The following TUBGCP6 variants were observed in gnomAD, a reference collection of about 807,000 sequenced individuals.
TUBGCP6 encodes the protein gamma-tubulin complex component 6.
A neutral mutation model predicts 175.8 loss-of-function variants in TUBGCP6; 161 were observed. That is an observed-to-expected ratio of 0.92 (90% CI 0.81 to 1.04). The LOEUF (loss-of-function observed/expected upper bound fraction) is 1.04, where lower values mean the gene tolerates loss of function less well. TUBGCP6 is among the 50% of genes least tolerant of loss of function. The pLI, the probability that TUBGCP6 is intolerant of heterozygous loss-of-function variation, is 0.00. For missense variants in TUBGCP6, 2,572 were observed against 2,433.0 expected, an observed-to-expected ratio of 1.06 and a Z score of -1.20; for synonymous variants, 1,173 against 1,030.5, an observed-to-expected ratio of 1.14 and a Z score of -2.65.
At chr22:50,234,796 T>C (rs1164634216) in intron 2 of TUBGCP6, among the ~76,000 whole-genome samples, 1 of 134,282 alleles carries the variant, frequency 7.4e-6, no homozygotes, top group African/African-American at 3.0e-5. Context: ...CACATCCAGG[T>C]CCACAGCAGC....
rs1276236974 is a variant in TUBGCP6, at chr22:50,219,884, C to G, written c.4167+73G>C. ...AAAAAGGAAAATCGCATGTGGGACC[C>G]ACCCGCGTGACAACCTAGAGGGACA... On this transcript the variant is annotated intron_variant, in intron 17 of 24. Transcript: ENST00000248846. 2.5e-6 allele frequency: 4 copies of G among 1,604,664 alleles called. No homozygotes were observed. The Admixed American group carries it at 6.7e-5, about 27-fold the overall frequency.
In TUBGCP6 at chr22:50,243,897, G is replaced by C. The variant is rs750138232; in HGVS notation, c.563C>G (p.Thr188Ser). ...TLQVMEAAPG[T>S]GLPTVGLFSF... ...GAAGAGCCCGACGGTGGGCAGGCCA[G>C]TGCCTGGAGCAGCCTCCATAACCTG... is the stretch of plus-strand genomic sequence containing the variant. The change falls in exon 1 of 25, where the codon ACT becomes AGT. Residue 188 changes from threonine (T) to serine (S), a missense_variant. By Grantham distance (58) the Thr-to-Ser change is moderately conservative (BLOSUM62 1). Coordinates refer to ENST00000248846, the MANE Select transcript of TUBGCP6 (RefSeq NM_020461.4). The C allele has an allele frequency of 8.7e-6, 14 of 1,613,870 alleles. No individual in the cohort carries two copies. The East Asian group carries it at 3.1e-4, about 36-fold the overall frequency.
At position 50,228,008 on chromosome 22, in the gene TUBGCP6, C is replaced by A; in HGVS notation, c.1311G>T (p.Arg437Ser). 1 of 1,563,522 alleles carries A rather than the reference C, an allele frequency of 6.4e-7. No individual in the cohort carries two copies. The highest frequency in any genetic ancestry group is 2.0e-5 in the Admixed American group (1 of 51,134). The change falls in exon 5 of 25, where the codon AGG becomes AGT. Residue 437 changes from arginine to serine, a missense_variant. Transcript: ENST00000248846. ...AGGCCCGGTAATACTGCAGGTACCT[C>A]CTCAGGCCACTGGTGAAGGCCTGTG... ...LVFQAFTSGL[R>S]RYLQYYRACV...
rs1314708521 is a variant in TUBGCP6 at position 50,227,948 on chromosome 22, G to A, written c.1371C>T (p.Leu457=). ...VLSTPPTLSL[L]TIGFLFKKLG... is the part of the protein sequence containing the mutation. ...GTTTCTTGAAGAGAAAACCAATGGT[G>A]AGGAGGCTCAGGGTGGGCGGAGTGG... The change falls in exon 5 of 25, where the codon CTC becomes CTT. Residue 457 remains leucine (L), a synonymous_variant. Transcript: ENST00000248846. The A allele has an allele frequency of 2.5e-6, 4 of 1,574,018 alleles. No homozygotes were observed. Among genetic ancestry groups the A allele is most frequent in the African/African-American group, 1.3e-5 (1 of 74,512 alleles).
chr22:50,226,732 C>A lies in TUBGCP6; in HGVS notation c.1601+1G>T. ...CCGCGCCTGCCCAGCCCACTGCCCA[C>A]CGGGTGTAGGGCTCGCAGCTGGTCT... On this transcript the variant is annotated splice_donor_variant, in intron 7 of 24. Transcript: ENST00000248846. LOFTEE classifies it high-confidence loss of function. 6.3e-7 allele frequency: 1 copy of A among 1,577,846 alleles called. No individual in the cohort carries two copies. Among genetic ancestry groups the A allele is most frequent in the Non-Finnish European group, 8.6e-7 (1 of 1,162,024 alleles).
rs2147185386 is a variant in TUBGCP6, at chr22:50,224,511, CA to C, written c.2064del (p.Ser688ArgfsTer22). ...GAAGGGAGGACTTGGGGCCACTCAC[CA>C]CTCAGTGCACTCAGGACCCTGGATG... ...EAASRVLSAL[S>X]DRQMSERMAL... is the part of the protein sequence containing the mutation. On this transcript the variant is annotated frameshift_variant and splice_region_variant, in exon 11 of 25. Transcript: ENST00000248846. LOFTEE classifies it high-confidence loss of function. 7 of 1,614,152 alleles carry C rather than the reference CA, an allele frequency of 4.3e-6. No homozygotes were observed. The highest frequency in any genetic ancestry group is 5.9e-6 in the Non-Finnish European group (7 of 1,180,020).
chr22:50,220,108 A>G (rs1406816024), intron 16 of TUBGCP6, 93 bp from the exon 17 acceptor site: 2 of 1,553,450 alleles, frequency 1.3e-6, no homozygotes, highest in East Asian at 4.8e-5. Context: ...AGCCCCTCCC[A>G]TGTCCCCCAC....
At chr22:50,222,397 G>A in intron 14 of TUBGCP6, 57 bp downstream of exon 14, 1 of 1,605,676 alleles carries the variant, frequency 6.2e-7, no homozygotes, top group Non-Finnish European at 8.5e-7. Context: ...AGTCTCAGGG[G>A]GTTTCCAGAC....
chr22:50,242,976 G>A (rs1229025744), intron 1 of TUBGCP6, among the ~76,000 whole-genome samples: 3 of 152,186 alleles, frequency 2.0e-5, no homozygotes, highest in Non-Finnish European at 4.4e-5. Flanking sequence ...CCCCACCTCA[G>A]GACAATGCAG....
At chr22:50,235,154 C>G (rs566776459) in intron 2 of TUBGCP6, among the ~76,000 whole-genome samples, 1 of 109,616 alleles carries the variant, frequency 9.1e-6, no homozygotes, top group African/African-American at 3.8e-5. Context: ...ATCCACACCC[C>G]AGTCCATGGC....
chr22:50,234,834 C>T (rs1224298216), intron 2 of TUBGCP6, among the ~76,000 whole-genome samples: 1 of 145,686 alleles, frequency 6.9e-6, no homozygotes, highest in Non-Finnish European at 1.5e-5. Flanking sequence ...TCCACGACAG[C>T]ATCACCCACA....
chr22:50,228,602 A>G (rs575561771), intron 4 of TUBGCP6, among the ~76,000 whole-genome samples: 1 of 152,092 alleles, frequency 6.6e-6, no homozygotes, highest in African/African-American at 2.4e-5. Flanking sequence ...ATGAACAAGA[A>G]CCACAGTCCA....
chr22:50,229,327 C>T, intron 4 of TUBGCP6, 77 bp downstream of exon 4: 1 of 1,505,628 alleles, frequency 6.6e-7, no homozygotes, highest in Non-Finnish European at 9.1e-7. Context: ...TGCAGAAGGA[C>T]CTCTGAGATT....
intron 2 of TUBGCP6, among the ~76,000 whole-genome samples, chr22:50,236,709 C>T (rs1021944809): frequency 1.3e-5 from 2 of 152,194 alleles, no homozygotes; most frequent in Non-Finnish European, 2.9e-5. Context: ...CAGGTGGGGC[C>T]GCTCTGGACC....
At chr22:50,226,707 C>T (rs750466160) in intron 7 of TUBGCP6, 26 bp downstream of exon 7, 2 of 1,549,418 alleles carry the variant, frequency 1.3e-6, no homozygotes, top group South Asian at 2.4e-5. Flanking sequence ...TGCGCGCCCG[C>T]CGCGCCTGCC....
intron 15 of TUBGCP6, 49 bp downstream of exon 15, chr22:50,221,978 AG>A: frequency 1.2e-6 from 2 of 1,608,370 alleles, no homozygotes; most frequent in Non-Finnish European, 1.7e-6. Flanking sequence ...CCAGGTGCCG[AG>A]GGCTATGGGA....
chr22:50,242,788 CTGAG>C lies in TUBGCP6; in HGVS notation c.741+927_741+930del, dbSNP rs1193028078. On this transcript the variant is annotated intron_variant, in intron 1 of 24. Coordinates refer to ENST00000248846, the MANE Select transcript of TUBGCP6 (RefSeq NM_020461.4). Reference sequence around the variant, plus strand: ...AAATGTGGCTTGTGGGGCTGAGGAACTGAGTATTTTATTTTGTTTTAATTAACTT... The same window carrying C: ...AAATGTGGCTTGTGGGGCTGAGGAACTATTTTATTTTGTTTTAATTAACTT... Among the ~76,000 whole-genome samples the C allele has an allele frequency of 3.9e-5, 6 of 152,170 alleles. No homozygotes were observed. The South Asian group carries it at 1.0e-3, about 26-fold the overall frequency.
In TUBGCP6 at chr22:50,219,693, CAGGCCTGCCAGGT is replaced by C. The variant is rs2064483369; in HGVS notation, c.4253_4265del (p.Tyr1418TrpfsTer53). On this transcript the variant is annotated frameshift_variant, in exon 18 of 25. Transcript: ENST00000248846. LOFTEE classifies it high-confidence loss of function. ...ACCGCTCCAAGTGGTACTGCCCTGC[CAGGCCTGCCAGGT>C]AGGCCTGCTCCCCACCCTGAGCCTC... 2.5e-6 allele frequency: 4 copies of C among 1,613,702 alleles called. No homozygotes were observed. The highest frequency in any genetic ancestry group is 3.4e-6 in the Non-Finnish European group (4 of 1,179,956).
chr22:50,241,396 C>A (rs545169160), intron 1 of TUBGCP6, among the ~76,000 whole-genome samples: 1 of 152,226 alleles, frequency 6.6e-6, no homozygotes, highest in Non-Finnish European at 1.5e-5. Flanking sequence ...ACTTAGCAGA[C>A]CAGGAAAGGG....
Sources: allele counts gnomAD v4.1 joint callset (sites outside exome capture counted in the v4.1 genomes callset), GRCh38; gene constraint gnomAD v4.1.1; transcripts MANE v1.5; gene names NCBI Gene and HGNC (gene_info 2026-07-23, HGNC 2026-07-21).